LRP5: variants seen among roughly 807,000 people sequenced by gnomAD.
LRP5 encodes low-density lipoprotein receptor-related protein 5.
Under a neutral mutation model 154.1 loss-of-function variants are expected in LRP5, and 62 were observed. The observed-to-expected ratio is 0.40, with a 90% CI of 0.33 to 0.50. LRP5 has a LOEUF of 0.50. Ranked by LOEUF, LRP5 falls within the 20% of genes least tolerant of loss-of-function variation. LRP5 has a pLI of 0.55. For synonymous variants in LRP5, 966 were observed against 1,011.5 expected (o/e 0.96, Z 0.85); for missense variants, 1,915 against 2,336.7 (o/e 0.82, Z 3.72).
Position 68,413,826 on chromosome 11 carries a change from C to T in LRP5, c.2641C>T (p.Leu881Phe), listed in dbSNP as rs1269311411. 26 of 1,613,650 alleles carry T rather than the reference C, an allele frequency of 1.6e-5. No individual in the cohort carries two copies. The highest frequency in any genetic ancestry group is 2.2e-5 in the Non-Finnish European group (26 of 1,180,022). Residue 881 changes from leucine to phenylalanine, a missense_variant, in exon 12 of 23, where the codon CTC becomes TTC. Around this residue, in one of 3 missense-constraint regions of LRP5, gnomAD observed 1,094 missense variants for 1,210.1 expected, o/e 0.90. Transcript: ENST00000294304. The surrounding 1 kb of genome is among the most constrained non-coding windows in gnomAD (Gnocchi z 5.1). ...ADKTSGRNRT[L>F]IQGHLDFVMD... ...CAAGACTAGCGGCCGGAACCGCACC[C>T]TCATCCAGGGCCACCTGGACTTCGT...
the LRP5 span, among the ~76,000 whole-genome samples, chr11:68,304,794 T>C: frequency 3.3e-5 from 5 of 152,268 alleles, no homozygotes; most frequent in East Asian, 7.7e-4. Context: ...TGGACTTGCT[T>C]GGGGCCTATA....
chr11:68,443,564 TATATATATATATATATATA>T lies in LRP5; in HGVS notation c.4489-2871_4489-2853del, dbSNP rs1275561897. ...TATGGCATATATATATATATATATA[TATATATATATATATATATA>T]TATTTTTTTTTTTTTTGGTTATGTT... On this transcript the variant is annotated intron_variant, in intron 21 of 22. Transcript: ENST00000294304. Among the ~76,000 whole-genome samples, 217 of 36,396 alleles carry T rather than the reference TATATATATATATATATATA, an allele frequency of 6.0e-3. 5 individuals carry two copies. The highest frequency in any genetic ancestry group is 0.026 in the African/African-American group (197 of 7,718). The allele number at this position is 36,396 out of a possible 152,430, so 23.9% of individuals were successfully genotyped here. A position where few individuals can be genotyped will look rare whatever the true frequency, so the allele number is the denominator to read the frequency against.
At chr11:68,434,487 C>T (rs1043670467) in intron 18 of LRP5, among the ~76,000 whole-genome samples, 1 of 152,160 alleles carries the variant, frequency 6.6e-6, no homozygotes, top group Non-Finnish European at 1.5e-5. Flanking sequence ...TCAATCGATT[C>T]TCCTGCCTCA....
intron 20 of LRP5, among the ~76,000 whole-genome samples, 188 bp downstream of exon 20, chr11:68,438,870 C>A (rs2098676556): frequency 1.3e-5 from 2 of 152,252 alleles, no homozygotes; most frequent in Admixed American, 1.3e-4. Context: ...AACACAGAGG[C>A]CTGCATGGCT....
chr11:68,380,020 C>T (rs750015603), intron 5 of LRP5, among the ~76,000 whole-genome samples: 4 of 152,192 alleles, frequency 2.6e-5, no homozygotes, highest in Non-Finnish European at 4.4e-5. Flanking sequence ...GTAATCCCAG[C>T]TACTCAGGAG....
chr11:68,333,536 T>C (rs531614871), intron 1 of LRP5, among the ~76,000 whole-genome samples: 25 of 152,328 alleles, frequency 1.6e-4, no homozygotes, highest in South Asian at 4.1e-4. Flanking sequence ...GAAGGGGAGA[T>C]AGGACTTTCT....
intron 17 of LRP5, among the ~76,000 whole-genome samples, chr11:68,431,922 C>T (rs1182022239): frequency 6.6e-6 from 1 of 152,234 alleles, no homozygotes; most frequent in African/African-American, 2.4e-5. Context: ...CCCTTCCTCA[C>T]GGCTCGAGAG....
At chr11:68,349,102 G>A (rs1486719486) in intron 2 of LRP5, among the ~76,000 whole-genome samples, 1 of 145,688 alleles carries the variant, frequency 6.9e-6, no homozygotes. Context: ...GCACAATCTC[G>A]GCTCACTGCA....
intron 11 of LRP5, among the ~76,000 whole-genome samples, chr11:68,412,439 A>G (rs1244185805): frequency 6.6e-6 from 1 of 152,012 alleles, no homozygotes; most frequent in African/African-American, 2.4e-5. Context: ...CCAGGAGTTC[A>G]AGATCAGCCT....
At chr11:68,426,342 G>A (rs780476639) in intron 16 of LRP5, among the ~76,000 whole-genome samples, 155 bp downstream of exon 16, 4 of 152,054 alleles carry the variant, frequency 2.6e-5, no homozygotes, top group African/African-American at 7.3e-5. Flanking sequence ...CGACATGTCC[G>A]AATGTCCCGA....
At chr11:68,384,021 T>A (rs1237538523) in intron 5 of LRP5, among the ~76,000 whole-genome samples, 1 of 152,200 alleles carries the variant, frequency 6.6e-6, no homozygotes, top group Non-Finnish European at 1.5e-5. Context: ...GCTGGGCACT[T>A]GGGGAACCTT....
rs770471848 is a variant in LRP5 at position 68,425,964 on chromosome 11, C to T, written c.3428-14C>T. On this transcript the variant is annotated splice_polypyrimidine_tract_variant and intron_variant, in intron 15 of 22. Transcript: ENST00000294304. ...GGTCAGCACTGCTCAGGGGGGCCCACGGGCTGCTTGCAGGGGCCAACCGCC... is the reference window on the plus strand; with the variant it reads ...GGTCAGCACTGCTCAGGGGGGCCCATGGGCTGCTTGCAGGGGCCAACCGCC... The T allele has an allele frequency of 1.0e-5, 16 of 1,606,482 alleles. No homozygotes were observed. The highest frequency in any genetic ancestry group is 8.3e-5 in the Admixed American group (5 of 59,976).
chr11:68,326,579 T>G (rs2153116428), intron 1 of LRP5, among the ~76,000 whole-genome samples: 1 of 152,328 alleles, frequency 6.6e-6, no homozygotes, highest in East Asian at 1.9e-4. Flanking sequence ...CAGTTGGCGC[T>G]CCGTGGTTGC....
At chr11:68,389,310 A>T (rs1427663732) in intron 6 of LRP5, among the ~76,000 whole-genome samples, 1 of 152,200 alleles carries the variant, frequency 6.6e-6, no homozygotes, top group African/African-American at 2.4e-5. Flanking sequence ...ATTGACATTT[A>T]CTGACACTGA....
In LRP5 at chr11:68,449,085, C is replaced by T. The variant is rs1303676938; in HGVS notation, c.*15C>T. The T allele has an allele frequency of 6.6e-7, 1 of 1,520,562 alleles. No individual in the cohort carries two copies. Among genetic ancestry groups the T allele is most frequent in the East Asian group, 2.3e-5 (1 of 43,974 alleles). 94.2% of individuals were successfully genotyped at this position (1,520,562 alleles called of 1,614,324 possible). On this transcript the variant is annotated 3_prime_UTR_variant, in exon 23 of 23. Transcript: ENST00000294304. ...ACTCATCCTGACCTCGGCCGGGCCA[C>T]TCTGGCTTCTCTGTGCCCCTGTAAA...
intron 17 of LRP5, among the ~76,000 whole-genome samples, chr11:68,430,134 TTTG>T (rs1473454346): frequency 9.2e-5 from 14 of 152,052 alleles, no homozygotes; most frequent in African/African-American, 2.7e-4. Flanking sequence ...GTGTGGTGTT[TTTG>T]TTGTTATTGT....
At chr11:68,330,632 A>G (rs948268583) in intron 1 of LRP5, among the ~76,000 whole-genome samples, 1 of 152,274 alleles carries the variant, frequency 6.6e-6, no homozygotes, top group Non-Finnish European at 1.5e-5. Flanking sequence ...AAGCCGTATC[A>G]CAGAGACCTG....
intron 7 of LRP5, among the ~76,000 whole-genome samples, chr11:68,398,330 C>T (rs2098650689): frequency 1.3e-5 from 2 of 152,224 alleles, no homozygotes; most frequent in Non-Finnish European, 2.9e-5. Context: ...CCCGTCATTC[C>T]CTCCCAGCTG....
chr11:68,323,480 C>A (rs2098597914), intron 1 of LRP5, among the ~76,000 whole-genome samples: 2 of 151,748 alleles, frequency 1.3e-5, no homozygotes, highest in South Asian at 4.2e-4. Flanking sequence ...GGTGCCATCA[C>A]AGCCTACTGC....
Sources: gnomAD v4.1 joint callset for allele counts (sites outside exome capture counted in the v4.1 genomes callset) on GRCh38, gnomAD v4.1.1 for gene constraint, gnomAD v4.1.1 regional missense constraint, Gnocchi (gnomAD v3.1) non-coding constraint, MANE v1.5 for transcripts, NCBI Gene and HGNC (gene_info 2026-07-23, HGNC 2026-07-21) for gene names.